RPTOR: variants seen among roughly 807,000 people sequenced by gnomAD.
The protein encoded by RPTOR is regulatory-associated protein of mTOR.
Under a neutral mutation model 169.9 loss-of-function variants are expected in RPTOR, and 21 were observed. The observed-to-expected ratio is 0.12, with a 90% CI of 0.09 to 0.18. The LOEUF is 0.18. Among genes scored for constraint, RPTOR ranks in the 10% least tolerant of loss-of-function variants. The pLI is 1.00. For synonymous variants in RPTOR, 732 were observed against 753.2 expected (o/e 0.97, Z 0.46); for missense variants, 1,133 against 1,855.9 (o/e 0.61, Z 7.16).
At chr17:80,790,241 G>A (rs2063873521) in intron 6 of RPTOR, among the ~76,000 whole-genome samples, 1 of 152,204 alleles carries the variant, frequency 6.6e-6, no homozygotes. Context: ...GCAAACGTGG[G>A]CCTCACTTTT....
intron 6 of RPTOR, among the ~76,000 whole-genome samples, chr17:80,779,949 C>T (rs899688970): frequency 2.0e-5 from 3 of 152,144 alleles, no homozygotes. Context: ...TAAGGCTCTG[C>T]AGGAGTCGGG....
rs1165334603 is a variant in RPTOR, at chr17:80,964,724, C to T, written c.*394C>T. Reference sequence around the variant, plus strand: ...GACAGAGCCCTGGCGGAGAGGCAGGCGCTGGGGCTCCTACGGGTCCCTGGG... The same window carrying T: ...GACAGAGCCCTGGCGGAGAGGCAGGTGCTGGGGCTCCTACGGGTCCCTGGG... On this transcript the variant is annotated 3_prime_UTR_variant, in exon 34 of 34. Transcript: ENST00000306801. The T allele has an allele frequency of 2.8e-5, 8 of 283,092 alleles. No individual in the cohort carries two copies. The Admixed American group carries it at 2.9e-4, about 10-fold the overall frequency. 17.5% of individuals were successfully genotyped at this position (283,092 alleles called of 1,614,324 possible).
At chr17:80,713,552 T>C (rs2066214410) in intron 4 of RPTOR, among the ~76,000 whole-genome samples, 1 of 152,184 alleles carries the variant, frequency 6.6e-6, no homozygotes, top group African/African-American at 2.4e-5. Context: ...GATCAAACCT[T>C]GTGCTGTCCA....
chr17:80,743,926 GAGCCCTGGTTACTAGCAC>G (rs1567887772), intron 5 of RPTOR, among the ~76,000 whole-genome samples: 470 of 6,564 alleles, frequency 0.072, 219 homozygotes, highest in East Asian at 0.12. Context: ...GTTACTAGCA[GAGCCCTGGTTACTAGCAC>G]AGCCCTGGCT....
At chr17:80,620,981 A>G (rs2065349933) in intron 1 of RPTOR, among the ~76,000 whole-genome samples, 1 of 152,218 alleles carries the variant, frequency 6.6e-6, no homozygotes, top group Admixed American at 6.5e-5. Context: ...GTTTTCTTTA[A>G]AAGTATAATG....
At chr17:80,698,494 A>G (rs1161115386) in intron 3 of RPTOR, among the ~76,000 whole-genome samples, 1 of 152,204 alleles carries the variant, frequency 6.6e-6, no homozygotes, top group Non-Finnish European at 1.5e-5. Context: ...ATTGATCCAC[A>G]TTGTCCTCCA....
intron 21 of RPTOR, among the ~76,000 whole-genome samples, chr17:80,914,707 G>T (rs1322889761): frequency 6.6e-6 from 1 of 152,204 alleles, no homozygotes; most frequent in Non-Finnish European, 1.5e-5. Context: ...TGGACTTTGG[G>T]CACCAACGAG....
chr17:80,641,377 T>G (rs750108711), intron 2 of RPTOR, among the ~76,000 whole-genome samples: 1 of 152,272 alleles, frequency 6.6e-6, no homozygotes, highest in African/African-American at 2.4e-5. Context: ...CTGGCATCTC[T>G]GTTTTGAAAA....
chr17:80,780,170 G>T (rs1458055919), intron 6 of RPTOR, among the ~76,000 whole-genome samples: 2 of 152,174 alleles, frequency 1.3e-5, no homozygotes, highest in Non-Finnish European at 2.9e-5. Flanking sequence ...TCAAAAGTCT[G>T]GTTCTTATCA....
intron 5 of RPTOR, among the ~76,000 whole-genome samples, chr17:80,751,267 A>T (rs1450245544): frequency 1.3e-5 from 2 of 151,994 alleles, no homozygotes; most frequent in East Asian, 3.9e-4. Context: ...CTTGGTGGAG[A>T]TTCAGAAGGA....
chr17:80,920,603 C>T (rs1291038648), intron 21 of RPTOR, among the ~76,000 whole-genome samples: 1 of 152,230 alleles, frequency 6.6e-6, no homozygotes, highest in Non-Finnish European at 1.5e-5. Flanking sequence ...CGGGCGCTTC[C>T]GTGCAGGGTG....
chr17:80,907,732 G>A (rs952087975), intron 20 of RPTOR, among the ~76,000 whole-genome samples: 19 of 152,126 alleles, frequency 1.2e-4, no homozygotes, highest in South Asian at 2.1e-4. Context: ...AAGGCTCCGC[G>A]TCCCCATCAC....
rs544784702 is a variant in RPTOR at position 80,746,069 on chromosome 17, G to A, written c.655-7941G>A. On this transcript the variant is annotated intron_variant, in intron 5 of 33. Coordinates refer to ENST00000306801, the MANE Select transcript of RPTOR (RefSeq NM_020761.3). The surrounding 1 kb of genome is among the most constrained non-coding windows in gnomAD (Gnocchi z 4.5). Reference sequence around the variant, plus strand: ...CCCAGCTACTTGAGAGGCTGAGGCGGGAGAATCGCTTGAACCCAGGAGGTG... The same window carrying A: ...CCCAGCTACTTGAGAGGCTGAGGCGAGAGAATCGCTTGAACCCAGGAGGTG... Among the ~76,000 whole-genome samples the A allele has an allele frequency of 2.3e-3, 345 of 152,242 alleles. No individual in the cohort carries two copies. The highest frequency in any genetic ancestry group is 9.9e-3 in the South Asian group (48 of 4,828).
At chr17:80,582,622 T>C (rs575690205) in intron 1 of RPTOR, among the ~76,000 whole-genome samples, 46 of 144,966 alleles carry the variant, frequency 3.2e-4, no homozygotes, top group African/African-American at 1.1e-3. Flanking sequence ...CTCGGCTCAC[T>C]GCAACCTCCG....
intron 3 of RPTOR, among the ~76,000 whole-genome samples, chr17:80,685,638 T>TATTTA (rs1208258080): frequency 1.1e-5 from 1 of 88,126 alleles, no homozygotes; most frequent in Non-Finnish European, 2.4e-5. Flanking sequence ...TTTTTTTTTT[T>TATTTA]TTTTTTTTTT....
rs896583818 is a variant in RPTOR, at chr17:80,633,017, C to T, written c.265+7224C>T. ...CTCACTTTGTTGCTCAGGCTGGTCT[C>T]GAACTCCTGGGCTCAAGTGATCCTC... is the stretch of plus-strand genomic sequence containing the variant. On this transcript the variant is annotated intron_variant, in intron 2 of 33. Transcript: ENST00000306801. This position sits in a 1 kb window ranked among gnomAD's most constrained non-coding sequence, Gnocchi z 4.1. 2.6e-5 allele frequency among the ~76,000 whole-genome samples: 4 copies of T among 152,038 alleles called. No individual in the cohort carries two copies. Among genetic ancestry groups the T allele is most frequent in the Admixed American group, 6.5e-5 (1 of 15,268 alleles).
At chr17:80,842,896 C>G (rs1357286082) in intron 10 of RPTOR, among the ~76,000 whole-genome samples, 4 of 152,192 alleles carry the variant, frequency 2.6e-5, no homozygotes, top group Non-Finnish European at 5.9e-5. Flanking sequence ...CCTCTGTTCC[C>G]TCCTTTGCAC....
intron 13 of RPTOR, among the ~76,000 whole-genome samples, chr17:80,862,805 A>G (rs912453384): frequency 6.6e-6 from 1 of 152,106 alleles, no homozygotes; most frequent in African/African-American, 2.4e-5. Context: ...CGGGGTGCAC[A>G]TGGTGTACAG....
At chr17:80,866,905 T>C (rs1192652799) in intron 13 of RPTOR, among the ~76,000 whole-genome samples, 5 of 152,194 alleles carry the variant, frequency 3.3e-5, no homozygotes. Context: ...TAGTGAAAAC[T>C]TTTACTACAA....
Sources: gnomAD v4.1 joint callset for allele counts (sites outside exome capture counted in the v4.1 genomes callset) on GRCh38, gnomAD v4.1.1 for gene constraint, Gnocchi (gnomAD v3.1) non-coding constraint, MANE v1.5 for transcripts, NCBI Gene and HGNC (gene_info 2026-07-23, HGNC 2026-07-21) for gene names.